GPHN: variants seen among roughly 807,000 people sequenced by gnomAD.
GPHN encodes gephyrin.
A neutral mutation model predicts 95.5 loss-of-function variants in GPHN; 17 were observed. The observed-to-expected ratio is 0.18, with a 90% CI of 0.12 to 0.27. The LOEUF is 0.27. Ranked by LOEUF, GPHN falls within the 10% of genes least tolerant of loss-of-function variation. The probability of loss-of-function intolerance (pLI) is 1.00; values close to 1 mark genes in which losing one functional copy is unlikely to be tolerated. For synonymous variants in GPHN, 320 were observed against 322.5 expected, an observed-to-expected ratio of 0.99 and a Z score of 0.08; for missense variants, 660 against 978.1, an observed-to-expected ratio of 0.67 and a Z score of 4.34.
chr14:67,561,981 A>C, the GPHN span: 1 of 1,613,842 alleles, frequency 6.2e-7, no homozygotes, highest in Admixed American at 1.7e-5. Flanking sequence ...GCATCTGAAA[A>C]GCCATAATCA....
intron 18 of GPHN, among the ~76,000 whole-genome samples, chr14:67,157,265 G>A (rs1240880550): frequency 6.6e-6 from 1 of 151,984 alleles, no homozygotes; most frequent in Non-Finnish European, 1.5e-5. Context: ...TAGATATTAG[G>A]AGGGACATTT....
At chr14:67,229,809 A>G in the GPHN span, among the ~76,000 whole-genome samples, 2 of 152,186 alleles carry the variant, frequency 1.3e-5, no homozygotes, top group African/African-American at 4.8e-5. Flanking sequence ...GTCACAAATT[A>G]CACACAAAAA....
At chr14:66,997,583 G>A (rs985712542) in intron 9 of GPHN, among the ~76,000 whole-genome samples, 3 of 152,078 alleles carry the variant, frequency 2.0e-5, no homozygotes, top group African/African-American at 7.2e-5. Flanking sequence ...TTTAAAATAC[G>A]AGGTAGTATA....
At chr14:66,604,933 A>G (rs1331637303) in intron 1 of GPHN, among the ~76,000 whole-genome samples, 1 of 137,766 alleles carries the variant, frequency 7.3e-6, no homozygotes, top group Admixed American at 8.7e-5. Flanking sequence ...TATTTAGGTC[A>G]CGCTTACAAG....
At chr14:67,368,493 A>G in the GPHN span, among the ~76,000 whole-genome samples, 1 of 152,134 alleles carries the variant, frequency 6.6e-6, no homozygotes, top group Non-Finnish European at 1.5e-5. Flanking sequence ...AATAATATTA[A>G]TAATAAAATA....
intron 9 of GPHN, among the ~76,000 whole-genome samples, chr14:67,000,326 A>G (rs1287980518): frequency 6.6e-6 from 1 of 151,726 alleles, no homozygotes; most frequent in Non-Finnish European, 1.5e-5. Flanking sequence ...AATGAACTTT[A>G]AACACCATAC....
At chr14:67,573,454 G>T in the GPHN span, 2 of 1,048,272 alleles carry the variant, frequency 1.9e-6, no homozygotes, top group South Asian at 1.3e-5. This position sits in a 1 kb window ranked among gnomAD's most constrained non-coding sequence, Gnocchi z 4.8. Flanking sequence ...TATGTCAGAT[G>T]GGACGGAGGA....
the GPHN span, among the ~76,000 whole-genome samples, chr14:67,351,310 C>CT: frequency 2.0e-5 from 3 of 152,150 alleles, no homozygotes; most frequent in South Asian, 6.2e-4. Context: ...AGCTACCTAC[C>CT]TCACATCATA....
chr14:67,658,209 C>CT, the GPHN span, among the ~76,000 whole-genome samples: 16,604 of 152,150 alleles, frequency 0.11, 1,319 homozygotes, highest in South Asian at 0.33. Flanking sequence ...TAAAAAATGA[C>CT]TAAGAAAAGA....
chr14:66,570,452 C>G (rs1159178327), intron 1 of GPHN, among the ~76,000 whole-genome samples: 3 of 152,000 alleles, frequency 2.0e-5, no homozygotes, highest in Non-Finnish European at 4.4e-5. Flanking sequence ...TTACCGGTGC[C>G]TACCACCACG....
At chr14:67,559,450 G>A in the GPHN span, among the ~76,000 whole-genome samples, 1 of 152,124 alleles carries the variant, frequency 6.6e-6, no homozygotes, top group African/African-American at 2.4e-5. Context: ...TAAATTTTGT[G>A]TTACCTTATC....
intron 2 of GPHN, among the ~76,000 whole-genome samples, chr14:66,691,095 A>G: frequency 6.6e-6 from 1 of 152,262 alleles, no homozygotes; most frequent in South Asian, 2.1e-4. Flanking sequence ...TAATCCTGGC[A>G]CTTTGGGAGA....
At chr14:67,542,802 G>A in the GPHN span, among the ~76,000 whole-genome samples, 1 of 152,188 alleles carries the variant, frequency 6.6e-6, no homozygotes, top group Admixed American at 6.5e-5. Context: ...CTGGGCTCAA[G>A]CGATTCTCCT....
At chr14:67,711,792 A>G in the GPHN span, among the ~76,000 whole-genome samples, 1 of 152,262 alleles carries the variant, frequency 6.6e-6, no homozygotes, top group Admixed American at 6.5e-5. Context: ...AATTTACACC[A>G]TAAGGTACAA....
chr14:67,350,579 T>C, the GPHN span: 6 of 1,574,364 alleles, frequency 3.8e-6, no homozygotes, highest in Non-Finnish European at 5.2e-6. Flanking sequence ...TCACTTTGTT[T>C]TGCTTCAAAA....
chr14:67,651,537 A>C, the GPHN span: 2 of 1,594,162 alleles, frequency 1.3e-6, no homozygotes, highest in South Asian at 2.2e-5. Flanking sequence ...CTTCCTTCTA[A>C]ACATTTTGGG....
chr14:66,652,863 A>G (rs948800507), intron 1 of GPHN, among the ~76,000 whole-genome samples: 12 of 152,150 alleles, frequency 7.9e-5, no homozygotes, highest in Admixed American at 7.2e-4. Flanking sequence ...TCAGAGCTAT[A>G]TGAAGAGCCT....
At chr14:66,513,527 A>T (rs986594908) in intron 1 of GPHN, among the ~76,000 whole-genome samples, 1 of 151,816 alleles carries the variant, frequency 6.6e-6, no homozygotes, top group African/African-American at 2.4e-5. Context: ...TGTAAATAGG[A>T]TTGAAGAATA....
chr14:67,569,068 T>C, the GPHN span: 1 of 1,072,480 alleles, frequency 9.3e-7, no homozygotes, highest in Non-Finnish European at 1.4e-6. Context: ...TGCTTTTTCC[T>C]GCACATGCCT....
Sources: allele counts gnomAD v4.1 joint callset (sites outside exome capture counted in the v4.1 genomes callset), GRCh38; gene constraint gnomAD v4.1.1; non-coding constraint Gnocchi (gnomAD v3.1); transcripts MANE v1.5; gene names NCBI Gene and HGNC (gene_info 2026-07-23, HGNC 2026-07-21).